Variants in BCL2 observed in about 807,000 individuals in gnomAD.
BCL2 encodes the protein BCL2 apoptosis regulator.
A neutral mutation model predicts 14.2 loss-of-function variants in BCL2; 1 was observed. That is an observed-to-expected ratio of 0.07 (90% CI 0.02 to 0.33). The LOEUF (loss-of-function observed/expected upper bound fraction) is 0.33, where lower values mean the gene tolerates loss of function less well. Ranked by LOEUF, BCL2 falls within the 10% of genes least tolerant of loss-of-function variation. The probability of loss-of-function intolerance (pLI) is 0.99; values close to 1 mark genes in which losing one functional copy is unlikely to be tolerated. For synonymous variants in BCL2, 151 were observed against 137.2 expected (o/e 1.10, Z -0.70); for missense variants, 247 against 305.9 (o/e 0.81, Z 1.44).
intron 2 of BCL2, among the ~76,000 whole-genome samples, chr18:63,129,599 T>C (rs1437866591): frequency 1.3e-5 from 2 of 152,202 alleles, no homozygotes; most frequent in East Asian, 3.8e-4. Flanking sequence ...ACCAATCTTA[T>C]GAAGTTATTT....
chr18:63,299,118 A>C (rs1912883469), intron 2 of BCL2, among the ~76,000 whole-genome samples: 1 of 152,240 alleles, frequency 6.6e-6, no homozygotes, highest in South Asian at 2.1e-4. Flanking sequence ...ATAGTGATAG[A>C]ACGTTTAGAA....
chr18:63,131,440 T>C (rs1914067838), intron 2 of BCL2, among the ~76,000 whole-genome samples: 1 of 152,240 alleles, frequency 6.6e-6, no homozygotes, highest in Non-Finnish European at 1.5e-5. Context: ...ACAATCATGA[T>C]TGTCTGCCAA....
intron 2 of BCL2, among the ~76,000 whole-genome samples, chr18:63,175,415 C>G (rs1915329705): frequency 6.6e-6 from 1 of 152,248 alleles, no homozygotes; most frequent in Admixed American, 6.5e-5. Flanking sequence ...TTCAAAACAT[C>G]TAGCAACCAG....
At position 63,201,274 on chromosome 18, in the gene BCL2, T is replaced by G. The variant is rs142088329; in HGVS notation, c.586-72515A>C. Among the ~76,000 whole-genome samples, 334 of 152,318 alleles carry G rather than the reference T, an allele frequency of 2.2e-3. 2 individuals carry two copies. The highest frequency in any genetic ancestry group is 2.8e-3 in the Non-Finnish European group (188 of 68,020). ...CACCCAATTCTGACATTTAAGACTT[T>G]CTGTAAGATGGCCAAAATGTCTTAA... On this transcript the variant is annotated intron_variant, in intron 2 of 2. Coordinates refer to ENST00000333681, the MANE Select transcript of BCL2 (RefSeq NM_000633.3).
chr18:63,250,140 G>A (rs1253242463), intron 2 of BCL2, among the ~76,000 whole-genome samples: 1 of 152,158 alleles, frequency 6.6e-6, no homozygotes, highest in African/African-American at 2.4e-5. Flanking sequence ...TCGACAAGGA[G>A]GCCCTCAATA....
intron 2 of BCL2, among the ~76,000 whole-genome samples, chr18:63,290,339 G>A (rs182749691): frequency 6.6e-5 from 10 of 152,204 alleles, no homozygotes; most frequent in South Asian, 2.1e-4. Context: ...CAGACGATAC[G>A]GAAGCTGTGG....
chr18:63,186,482 C>T (rs1834856870), intron 2 of BCL2, among the ~76,000 whole-genome samples: 1 of 152,190 alleles, frequency 6.6e-6, no homozygotes, highest in Admixed American at 6.5e-5. Context: ...CATGATATGA[C>T]CATTCTTGTT....
At chr18:63,302,633 T>A in intron 2 of BCL2, 1 of 985,232 alleles carries the variant, frequency 1.0e-6, no homozygotes, top group Non-Finnish European at 1.2e-6. Flanking sequence ...ATTCTGCACA[T>A]GAATTCAGAG....
intron 2 of BCL2, among the ~76,000 whole-genome samples, chr18:63,299,559 CT>C (rs1317377826): frequency 6.6e-6 from 1 of 152,200 alleles, no homozygotes; most frequent in Non-Finnish European, 1.5e-5. Context: ...TGCTAGAAAC[CT>C]TTTACTGGCA....
chr18:63,299,815 C>CT (rs71162622), intron 2 of BCL2, among the ~76,000 whole-genome samples: 14,811 of 141,752 alleles, frequency 0.1, 864 homozygotes, highest in Admixed American at 0.14. Flanking sequence ...TTTTCTTTTT[C>CT]TTTTTTTTTT....
chr18:63,170,351 G>T (rs1343653436), intron 2 of BCL2, among the ~76,000 whole-genome samples: 2 of 152,068 alleles, frequency 1.3e-5, no homozygotes, highest in Non-Finnish European at 2.9e-5. Context: ...CAATAATATA[G>T]CAATGAGCTT....
At chr18:63,215,100 T>G (rs1167437575) in intron 2 of BCL2, among the ~76,000 whole-genome samples, 1 of 152,178 alleles carries the variant, frequency 6.6e-6, no homozygotes, top group Non-Finnish European at 1.5e-5. Context: ...TTATATATAT[T>G]ATTGTGATGG....
At chr18:63,175,881 G>A (rs1003575871) in intron 2 of BCL2, among the ~76,000 whole-genome samples, 1 of 152,210 alleles carries the variant, frequency 6.6e-6, no homozygotes. Context: ...ACACCTCTCT[G>A]AATAGTTTCA....
chr18:63,163,656 G>GAA (rs934403468), intron 2 of BCL2, among the ~76,000 whole-genome samples: 1 of 151,594 alleles, frequency 6.6e-6, no homozygotes, highest in African/African-American at 2.4e-5. Flanking sequence ...TCAGTAAAAT[G>GAA]AAAAAAAACA....
At chr18:63,245,802 A>G (rs1446360186) in intron 2 of BCL2, among the ~76,000 whole-genome samples, 2 of 152,206 alleles carry the variant, frequency 1.3e-5, no homozygotes, top group African/African-American at 4.8e-5. Context: ...ACTTCCCACA[A>G]GTCTATAATT....
intron 2 of BCL2, among the ~76,000 whole-genome samples, chr18:63,309,687 T>G (rs1913245407): frequency 6.6e-6 from 1 of 152,102 alleles, no homozygotes; most frequent in South Asian, 2.1e-4. Flanking sequence ...CTTTGCAACA[T>G]CCTTTCAACA....
chr18:63,270,456 A>G (rs866423537), intron 2 of BCL2, among the ~76,000 whole-genome samples: 1 of 152,344 alleles, frequency 6.6e-6, no homozygotes, highest in Middle Eastern at 3.4e-3. Flanking sequence ...TTTAAAAGGT[A>G]TATGCAGAAC....
chr18:63,169,578 A>G (rs1270955186), intron 2 of BCL2, among the ~76,000 whole-genome samples: 1 of 143,110 alleles, frequency 7.0e-6, no homozygotes, highest in Non-Finnish European at 1.5e-5. Context: ...GCTGGAGTGC[A>G]GTGGCATGAT....
chr18:63,296,462 T>C (rs7231840), intron 2 of BCL2, among the ~76,000 whole-genome samples: 14 of 152,068 alleles, frequency 9.2e-5, no homozygotes, highest in African/African-American at 2.4e-4. Flanking sequence ...GCCACCATGA[T>C]TGGCTTAATT....
Sources: allele counts gnomAD v4.1 joint callset (sites outside exome capture counted in the v4.1 genomes callset), GRCh38; gene constraint gnomAD v4.1.1; transcripts MANE v1.5; gene names NCBI Gene and HGNC (gene_info 2026-07-23, HGNC 2026-07-21).